ADAMTS2: variants seen among roughly 807,000 people sequenced by gnomAD.
ADAMTS2 encodes the protein A disintegrin and metalloproteinase with thrombospondin motifs 2.
A neutral mutation model predicts 123.0 loss-of-function variants in ADAMTS2; 50 were observed. The observed-to-expected ratio is 0.41, with a 90% confidence interval of 0.32 to 0.51. The LOEUF (loss-of-function observed/expected upper bound fraction) is 0.51. Among genes scored for constraint, ADAMTS2 ranks in the 20% least tolerant of loss-of-function variants. ADAMTS2 has a pLI of 0.35. For synonymous variants in ADAMTS2, 678 were observed against 695.4 expected, an observed-to-expected ratio of 0.98 and a Z score of 0.39; for missense variants, 1,494 against 1,705.2, an observed-to-expected ratio of 0.88 and a Z score of 2.18.
chr5:179,172,831 C>T (rs1304368464), intron 5 of ADAMTS2, among the ~76,000 whole-genome samples: 1 of 151,950 alleles, frequency 6.6e-6, no homozygotes. Context: ...TTGGATCCTA[C>T]CATTTTTAAA....
At chr5:179,144,931 A>G (rs1275846851) in intron 10 of ADAMTS2, among the ~76,000 whole-genome samples, 2 of 152,258 alleles carry the variant, frequency 1.3e-5, no homozygotes, top group Non-Finnish European at 2.9e-5. Flanking sequence ...TGCCATCACG[A>G]AAGTGAAAAG....
At chr5:179,329,805 T>C (rs1354506572) in intron 2 of ADAMTS2, among the ~76,000 whole-genome samples, 3 of 152,042 alleles carry the variant, frequency 2.0e-5, no homozygotes, top group African/African-American at 7.2e-5. Context: ...GGAGGAAAGT[T>C]GGGGGCCGTA....
rs1442323490 is a variant in ADAMTS2 at position 179,343,951 on chromosome 5, C to T, written c.350G>A (p.Gly117Asp). ...CCGCAGCCGCAGGTGCAGGTCTCGGCCAAAGACCGTGACATTGTAGAAGAG... is the reference window on the plus strand; with the variant it reads ...CCGCAGCCGCAGGTGCAGGTCTCGGTCAAAGACCGTGACATTGTAGAAGAG... ...SHLFYNVTVF[G>D]RDLHLRLRPN... The change falls in exon 2 of 22, where the codon GGC becomes GAC. Residue 117 changes from glycine (G) to aspartate (D), a missense_variant. By Grantham distance (94) the Gly-to-Asp change is moderately conservative. Around this residue, in one of 6 missense-constraint regions of ADAMTS2, gnomAD observed 237 missense variants for 233.7 expected, o/e 1.01. Coordinates refer to ENST00000251582, the MANE Select transcript of ADAMTS2 (RefSeq NM_014244.5). The T allele has an allele frequency of 2.5e-6, 4 of 1,611,740 alleles. No individual in the cohort carries two copies. The highest frequency in any genetic ancestry group is 3.4e-6 in the Non-Finnish European group (4 of 1,179,620).
chr5:179,223,833 ACACATGCACACACACAAACGTG>A (rs901321003), intron 3 of ADAMTS2, among the ~76,000 whole-genome samples: 1 of 152,178 alleles, frequency 6.6e-6, no homozygotes, highest in Non-Finnish European at 1.5e-5. Flanking sequence ...ACTCAGGCAC[ACACATGCACACACACAAACGTG>A]CACATGCACA....
intron 4 of ADAMTS2, among the ~76,000 whole-genome samples, chr5:179,206,488 A>G (rs1359352283): frequency 6.6e-6 from 1 of 152,130 alleles, no homozygotes; most frequent in Admixed American, 6.5e-5. Context: ...ACGGGGTTCT[A>G]GAACTTCCCA....
At chr5:179,126,308 C>T (rs1053871657) in intron 17 of ADAMTS2, among the ~76,000 whole-genome samples, 178 bp from the exon 18 acceptor site, 4 of 152,168 alleles carry the variant, frequency 2.6e-5, no homozygotes, top group Admixed American at 6.5e-5. Flanking sequence ...TGGTGTGTCC[C>T]GGGTGGAGGG....
chr5:179,291,553 T>C (rs1756190667), intron 2 of ADAMTS2, among the ~76,000 whole-genome samples: 1 of 152,070 alleles, frequency 6.6e-6, no homozygotes, highest in Admixed American at 6.5e-5. Flanking sequence ...CTGTCACAAC[T>C]GGGATCCCTC....
At chr5:179,330,670 G>T (rs1757457423) in intron 2 of ADAMTS2, among the ~76,000 whole-genome samples, 1 of 152,162 alleles carries the variant, frequency 6.6e-6, no homozygotes, top group Admixed American at 6.5e-5. Context: ...CGGAGCAAAG[G>T]CTGGCCTCAT....
In ADAMTS2 at chr5:179,302,197, C is replaced by G. The variant is rs536531233; in HGVS notation, c.535-29133G>C. Among the ~76,000 whole-genome samples the G allele has an allele frequency of 2.4e-3, 366 of 152,068 alleles. 1 individual carries two copies. Among genetic ancestry groups the G allele is most frequent in the Admixed American group, 4.8e-3 (73 of 15,276 alleles). ...GGGGTGATGGCCGGGTGCGGTGGCTCATGCCTGTAATCCCAGCATTTTGGG... is the reference window on the plus strand; with the variant it reads ...GGGGTGATGGCCGGGTGCGGTGGCTGATGCCTGTAATCCCAGCATTTTGGG... On this transcript the variant is annotated intron_variant, in intron 2 of 21. Transcript: ENST00000251582.
intron 5 of ADAMTS2, among the ~76,000 whole-genome samples, chr5:179,166,529 A>C (rs1301139126): frequency 6.6e-6 from 1 of 152,158 alleles, no homozygotes; most frequent in Non-Finnish European, 1.5e-5. Context: ...CCCAGCCTGC[A>C]GGGGTCTGGG....
chr5:179,207,060 G>A (rs749738475), intron 4 of ADAMTS2, among the ~76,000 whole-genome samples: 2 of 152,190 alleles, frequency 1.3e-5, no homozygotes, highest in Non-Finnish European at 2.9e-5. Context: ...TGTTTGGAGC[G>A]AGAAGAAGGC....
At chr5:179,284,547 T>C (rs1052017144) in intron 2 of ADAMTS2, among the ~76,000 whole-genome samples, 2 of 151,862 alleles carry the variant, frequency 1.3e-5, no homozygotes, top group Admixed American at 1.3e-4. Context: ...ACACCATGCC[T>C]GGCTAATTTT....
chr5:179,247,627 G>A (rs969056130), intron 3 of ADAMTS2, among the ~76,000 whole-genome samples: 2 of 152,088 alleles, frequency 1.3e-5, no homozygotes. Flanking sequence ...TGAAATCCAC[G>A]AGAGAGGAGC....
intron 4 of ADAMTS2, among the ~76,000 whole-genome samples, chr5:179,191,453 T>C (rs1338627901): frequency 6.6e-6 from 1 of 152,070 alleles, no homozygotes; most frequent in Non-Finnish European, 1.5e-5. Context: ...CTGGGTCCGT[T>C]TGAGCACCAC....
At chr5:179,233,769 C>T (rs76312903) in intron 3 of ADAMTS2, among the ~76,000 whole-genome samples, 2,458 of 152,220 alleles carry the variant, frequency 0.016, 119 homozygotes, top group East Asian at 0.097. Context: ...ACACTGAAGC[C>T]CTCAAGCCGC....
rs923707121 is a variant in ADAMTS2, at chr5:179,170,016, T to C, written c.975+11056A>G. ...CTTTGGTACCTTCTCAAAAAATCAA[T>C]TGAAAAGCCAGTTGCTATGCAACCT... is the stretch of plus-strand genomic sequence containing the variant. On this transcript the variant is annotated intron_variant, in intron 5 of 21. Transcript: ENST00000251582. This position sits in a 1 kb window ranked among gnomAD's most constrained non-coding sequence, Gnocchi z 4.3. Among the ~76,000 whole-genome samples the C allele has an allele frequency of 1.3e-5, 2 of 152,232 alleles. No individual in the cohort carries two copies. The highest frequency in any genetic ancestry group is 2.9e-5 in the Non-Finnish European group (2 of 68,040).
chr5:179,248,576 A>G (rs1185549931), intron 3 of ADAMTS2, among the ~76,000 whole-genome samples: 5 of 152,164 alleles, frequency 3.3e-5, no homozygotes, highest in Admixed American at 3.3e-4. Context: ...AGAAACCAGA[A>G]GAGACCTGGG....
rs1395359275 is a variant in ADAMTS2 at position 179,115,857 on chromosome 5, C to T, written c.3179-1533G>A. Among the ~76,000 whole-genome samples the T allele has an allele frequency of 6.6e-6, 1 of 152,160 alleles. No individual in the cohort carries two copies. Among genetic ancestry groups the T allele is most frequent in the Non-Finnish European group, 1.5e-5 (1 of 68,032 alleles). ...GAGGGCCAGTGGTTCTGATGTCCTG[C>T]TTCTTAATGGCCACTGCTCCAGCCT... is the stretch of plus-strand genomic sequence containing the variant. On this transcript the variant is annotated intron_variant, in intron 21 of 21. Coordinates refer to ENST00000251582, the MANE Select transcript of ADAMTS2 (RefSeq NM_014244.5). This position sits in a 1 kb window ranked among gnomAD's most constrained non-coding sequence, Gnocchi z 4.4.
In ADAMTS2 at chr5:179,272,790, G is replaced by A; in HGVS notation, c.688+121C>T. 1 of 1,304,628 alleles carries A rather than the reference G, an allele frequency of 7.7e-7. No individual in the cohort carries two copies. The highest frequency in any genetic ancestry group is 1.0e-6 in the Non-Finnish European group (1 of 957,762). 80.8% of individuals were successfully genotyped at this position (1,304,628 alleles called of 1,614,324 possible). A position where few individuals can be genotyped will look rare whatever the true frequency, so the allele number is the denominator to read the frequency against. ...GCCCATTTCTGAGCCACTGAGACCG[G>A]GGCTCAGCCTCAGCAGCCAAGCTGG... is the stretch of plus-strand genomic sequence containing the variant. On this transcript the variant is annotated intron_variant, in intron 3 of 21. Coordinates refer to ENST00000251582, the MANE Select transcript of ADAMTS2 (RefSeq NM_014244.5). This position sits in a 1 kb window ranked among gnomAD's most constrained non-coding sequence, Gnocchi z 5.8.
Sources: allele counts gnomAD v4.1 joint callset (sites outside exome capture counted in the v4.1 genomes callset), GRCh38; gene constraint gnomAD v4.1.1; regional missense constraint gnomAD v4.1.1; non-coding constraint Gnocchi (gnomAD v3.1); transcripts MANE v1.5; gene names NCBI Gene and HGNC (gene_info 2026-07-23, HGNC 2026-07-21).